VTCN1: variants seen among roughly 807,000 people sequenced by gnomAD.
The protein encoded by VTCN1 is V-set domain containing T cell activation inhibitor 1.
Under a neutral mutation model 26.5 loss-of-function variants are expected in VTCN1, and 26 were observed. That is an observed-to-expected ratio of 0.98 (90% confidence interval 0.72 to 1.36). The LOEUF (loss-of-function observed/expected upper bound fraction) is 1.36, where lower values mean the gene tolerates loss of function less well. Among genes scored for constraint, VTCN1 ranks in the 40% most tolerant of loss-of-function variants. The probability of loss-of-function intolerance (pLI) is 0.00; values close to 1 mark genes in which losing one functional copy is unlikely to be tolerated. For missense variants in VTCN1, 298 were observed against 337.7 expected, an observed-to-expected ratio of 0.88 and a Z score of 0.92; for synonymous variants, 116 against 130.7, an observed-to-expected ratio of 0.89 and a Z score of 0.77.
chr1:117,197,073 T>C (rs1450997901), intron 1 of VTCN1, among the ~76,000 whole-genome samples: 3 of 152,186 alleles, frequency 2.0e-5, no homozygotes, highest in African/African-American at 7.2e-5. Flanking sequence ...AAAGATTCTC[T>C]TGCAGTTCAC....
chr1:117,172,246 T>C (rs139771139), intron 1 of VTCN1, among the ~76,000 whole-genome samples: 1 of 152,356 alleles, frequency 6.6e-6, no homozygotes, highest in East Asian at 1.9e-4. Flanking sequence ...CAGCCTCCTA[T>C]GGCTCAGGAA....
chr1:117,147,968 A>G lies in VTCN1; in HGVS notation c.725-186T>C, dbSNP rs1350899113. The stretch of plus-strand genomic sequence containing the variant: ...GTAGAGCTTTCTCTTTCTTCAAAGA[A>G]AATTCCATTCTGTGGTCCACTCCAG... On this transcript the variant is annotated intron_variant, in intron 4 of 5. Transcript: ENST00000369458. The surrounding 1 kb of genome is among the most constrained non-coding windows in gnomAD (Gnocchi z 4.6). Among the ~76,000 whole-genome samples the G allele has an allele frequency of 6.6e-6, 1 of 152,212 alleles. No homozygotes were observed. The highest frequency in any genetic ancestry group is 1.5e-5 in the Non-Finnish European group (1 of 68,036).
chr1:117,148,334 T>C (rs1651619890), intron 4 of VTCN1, among the ~76,000 whole-genome samples: 1 of 152,222 alleles, frequency 6.6e-6, no homozygotes, highest in Admixed American at 6.5e-5. Context: ...AGTTACTCAA[T>C]GTATGTGCTC....
intron 2 of VTCN1, among the ~76,000 whole-genome samples, chr1:117,162,619 T>A (rs1223395738): frequency 2.6e-5 from 4 of 152,172 alleles, no homozygotes; most frequent in Admixed American, 2.6e-4. Context: ...TAAGATTTCA[T>A]TAAACCCCTT....
rs965284489 is a variant in VTCN1, at chr1:117,159,224, G to A, written c.98-2303C>T. ...TTTACTGTATTAGTCCATTTTCACA[G>A]TGCTGATAAAGAAATACCCGAGACT... is the stretch of plus-strand genomic sequence containing the variant. On this transcript the variant is annotated intron_variant, in intron 2 of 5. Coordinates refer to ENST00000369458, the MANE Select transcript of VTCN1 (RefSeq NM_024626.4). This position sits in a 1 kb window ranked among gnomAD's most constrained non-coding sequence, Gnocchi z 4.7. Among the ~76,000 whole-genome samples the A allele has an allele frequency of 1.3e-5, 2 of 148,688 alleles. No homozygotes were observed. The highest frequency in any genetic ancestry group is 4.9e-5 in the African/African-American group (2 of 40,448).
chr1:117,172,345 T>C lies in VTCN1; in HGVS notation c.33-2174A>G, dbSNP rs6672892. 9.1e-3 allele frequency: 4,730 copies of C among 518,652 alleles called. 203 individuals carry two copies. The highest frequency in any genetic ancestry group is 0.082 in the African/African-American group (4,287 of 52,028). The allele number at this position is 518,652 out of a possible 1,614,324, so 32.1% of individuals were successfully genotyped here. On this transcript the variant is annotated intron_variant, in intron 1 of 5. Transcript: ENST00000369458. The stretch of plus-strand genomic sequence containing the variant: ...AGGCAGCAAGCGAAGCTTTAAATAA[T>C]AGGGCATCTGCTAAATTGATTCCAA...
intron 1 of VTCN1, among the ~76,000 whole-genome samples, chr1:117,178,588 GTTTTTTTTTTT>G (rs10657719): frequency 1.1e-5 from 1 of 88,274 alleles, no homozygotes; most frequent in African/African-American, 4.9e-5. Context: ...TCTTTCTTTC[GTTTTTTTTTTT>G]TTTTTTTTTT....
rs111501987 is a variant in VTCN1 at position 117,176,765 on chromosome 1, A to G, written c.33-6594T>C. ...ACCAACGAGGTGACTAGGTTTATAA[A>G]GAATGCTGAAATTAAAGACATTTAC... On this transcript the variant is annotated intron_variant, in intron 1 of 5. Coordinates refer to ENST00000369458, the MANE Select transcript of VTCN1 (RefSeq NM_024626.4). Among the ~76,000 whole-genome samples the G allele has an allele frequency of 4.3e-3, 658 of 152,372 alleles. 3 individuals are homozygous for G. Among genetic ancestry groups the G allele is most frequent in the Non-Finnish European group, 7.4e-3 (503 of 68,036 alleles).
At position 117,157,976 on chromosome 1, in the gene VTCN1, C is replaced by T. The variant is rs534094503; in HGVS notation, c.98-1055G>A. 2.6e-5 allele frequency among the ~76,000 whole-genome samples: 4 copies of T among 152,350 alleles called. No individual in the cohort carries two copies. The East Asian group carries it at 7.7e-4, about 29-fold the overall frequency. ...TAAAGCTCCAAATGATCTCCTTTGA[C>T]TCCAGGTCTCACATCCAGGTCATGC... On this transcript the variant is annotated intron_variant, in intron 2 of 5. Transcript: ENST00000369458.
chr1:117,181,074 A>C (rs1479455554), intron 1 of VTCN1, among the ~76,000 whole-genome samples: 1 of 152,166 alleles, frequency 6.6e-6, no homozygotes, highest in African/African-American at 2.4e-5. Context: ...CAAAGAAACA[A>C]ACTCTTCCTT....
chr1:117,195,958 T>C (rs943567626), intron 1 of VTCN1, among the ~76,000 whole-genome samples: 1 of 152,086 alleles, frequency 6.6e-6, no homozygotes, highest in Non-Finnish European at 1.5e-5. Context: ...TGAGACCAAT[T>C]TGGGCAACAT....
In VTCN1 at chr1:117,185,448, A is replaced by G. The variant is rs1647887194; in HGVS notation, c.33-15277T>C. ...TGATCAGTGCCAAAGTGGCATTTGTAAACCAAAAATAAAATTCTGAGCCCC... is the reference window on the plus strand; with the variant it reads ...TGATCAGTGCCAAAGTGGCATTTGTGAACCAAAAATAAAATTCTGAGCCCC... On this transcript the variant is annotated intron_variant, in intron 1 of 5. Coordinates refer to ENST00000369458, the MANE Select transcript of VTCN1 (RefSeq NM_024626.4). Among the ~76,000 whole-genome samples the G allele has an allele frequency of 2.6e-5, 4 of 152,308 alleles. No individual in the cohort carries two copies. The Middle Eastern group carries it at 0.01, about 389-fold the overall frequency.
At chr1:117,194,067 C>A (rs1648388691) in intron 1 of VTCN1, among the ~76,000 whole-genome samples, 1 of 152,056 alleles carries the variant, frequency 6.6e-6, no homozygotes, top group African/African-American at 2.4e-5. Context: ...AAACAATCAA[C>A]AAAATGAACA....
chr1:117,159,675 G>A lies in VTCN1; in HGVS notation c.98-2754C>T, dbSNP rs1175671217. Reference sequence around the variant, plus strand: ...TCAGTTAACCAGAAGTAGCACAGAAGTGAAATCTCATGTTAACTAAATGTG... The same window carrying A: ...TCAGTTAACCAGAAGTAGCACAGAAATGAAATCTCATGTTAACTAAATGTG... On this transcript the variant is annotated intron_variant, in intron 2 of 5. Transcript: ENST00000369458. This position sits in a 1 kb window ranked among gnomAD's most constrained non-coding sequence, Gnocchi z 4.7. Among the ~76,000 whole-genome samples the A allele has an allele frequency of 6.6e-6, 1 of 152,188 alleles. No individual in the cohort carries two copies. The highest frequency in any genetic ancestry group is 1.5e-5 in the Non-Finnish European group (1 of 68,032).
intron 1 of VTCN1, among the ~76,000 whole-genome samples, chr1:117,192,028 T>TATAC (rs1272858343): frequency 1.3e-4 from 19 of 151,584 alleles, no homozygotes; most frequent in Non-Finnish European, 2.9e-5. Flanking sequence ...TATATATATA[T>TATAC]ACACATCCAA....
At position 117,151,396 on chromosome 1, in the gene VTCN1, G is replaced by C. The variant is rs542935496; in HGVS notation, c.724+1695C>G. ...CTCTTAAAGCTAGTGTGGACCCAAAGAGTGAGCAGCAGCAAGATTTATTGT... is the reference window on the plus strand; with the variant it reads ...CTCTTAAAGCTAGTGTGGACCCAAACAGTGAGCAGCAGCAAGATTTATTGT... On this transcript the variant is annotated intron_variant, in intron 4 of 5. Coordinates refer to ENST00000369458, the MANE Select transcript of VTCN1 (RefSeq NM_024626.4). Among the ~76,000 whole-genome samples the C allele has an allele frequency of 6.6e-5, 10 of 152,258 alleles. No homozygotes were observed. The South Asian group carries it at 2.1e-3, about 32-fold the overall frequency.
intron 2 of VTCN1, among the ~76,000 whole-genome samples, chr1:117,162,947 G>A (rs948479355): frequency 2.0e-5 from 3 of 152,210 alleles, no homozygotes; most frequent in African/African-American, 4.8e-5. Flanking sequence ...CAGAAAGACA[G>A]GTTCGTACAT....
chr1:117,174,756 CAG>C (rs1327549077), intron 1 of VTCN1, among the ~76,000 whole-genome samples: 3 of 152,082 alleles, frequency 2.0e-5, no homozygotes, highest in Admixed American at 6.5e-5. Context: ...CCAGGGGAAA[CAG>C]AGATAATCAA....
intron 1 of VTCN1, among the ~76,000 whole-genome samples, chr1:117,174,465 C>T (rs1206749223): frequency 6.6e-6 from 1 of 152,142 alleles, no homozygotes; most frequent in African/African-American, 2.4e-5. Flanking sequence ...GTGATCAGGG[C>T]TTTAGTAAAG....
Sources: gnomAD v4.1 joint callset for allele counts (sites outside exome capture counted in the v4.1 genomes callset) on GRCh38, gnomAD v4.1.1 for gene constraint, Gnocchi (gnomAD v3.1) non-coding constraint, MANE v1.5 for transcripts, NCBI Gene and HGNC (gene_info 2026-07-23, HGNC 2026-07-21) for gene names.